The following LYPLAL1 variants were observed in gnomAD, a reference collection of about 807,000 sequenced individuals.
LYPLAL1 encodes lysophospholipase-like protein 1.
In LYPLAL1, 23 loss-of-function variants were observed where a neutral mutation model predicts 19.7. The observed-to-expected ratio is 1.17, with a 90% CI of 0.84 to 1.65. The LOEUF is 1.65. Ranked by LOEUF, LYPLAL1 falls within the 40% of genes most tolerant of loss-of-function variation. The pLI is 0.00. For missense variants in LYPLAL1, 355 were observed against 279.4 expected, an observed-to-expected ratio of 1.27 and a Z score of -1.93; for synonymous variants, 119 against 96.3, an observed-to-expected ratio of 1.24 and a Z score of -1.38.
chr1:219,277,557 A>C, the LYPLAL1 span, among the ~76,000 whole-genome samples: 2 of 152,198 alleles, frequency 1.3e-5, no homozygotes, highest in Non-Finnish European at 2.9e-5. Context: ...AGTTCCAAGC[A>C]GAACTAGGAG....
chr1:219,427,915 G>A, the LYPLAL1 span, among the ~76,000 whole-genome samples: 1 of 152,176 alleles, frequency 6.6e-6, no homozygotes, highest in Non-Finnish European at 1.5e-5. Flanking sequence ...CTTTAGGCAG[G>A]TACCAACTAT....
At chr1:219,389,749 C>T in the LYPLAL1 span, among the ~76,000 whole-genome samples, 1 of 151,974 alleles carries the variant, frequency 6.6e-6, no homozygotes, top group Non-Finnish European at 1.5e-5. Context: ...ATTAGGTTGG[C>T]GTGAAAGTAA....
chr1:219,431,745 C>T, the LYPLAL1 span, among the ~76,000 whole-genome samples: 2 of 152,226 alleles, frequency 1.3e-5, no homozygotes, highest in Non-Finnish European at 2.9e-5. Context: ...TTATTATATA[C>T]ATCCTCTGCT....
chr1:219,246,174 T>C, the LYPLAL1 span, among the ~76,000 whole-genome samples: 3 of 152,124 alleles, frequency 2.0e-5, no homozygotes, highest in Admixed American at 6.5e-5. Context: ...AGTTATCTGA[T>C]TGGCAGATGC....
At chr1:219,344,391 G>A in the LYPLAL1 span, among the ~76,000 whole-genome samples, 1 of 152,056 alleles carries the variant, frequency 6.6e-6, no homozygotes, top group Non-Finnish European at 1.5e-5. Context: ...AAACTCTTTT[G>A]TCTCTCCTGT....
the LYPLAL1 span, among the ~76,000 whole-genome samples, chr1:219,253,593 G>C: frequency 1.4e-5 from 2 of 144,576 alleles, no homozygotes; most frequent in African/African-American, 5.2e-5. Context: ...TTTTTTTAGT[G>C]ATTTTCATAG....
At chr1:219,244,568 GA>G in the LYPLAL1 span, among the ~76,000 whole-genome samples, 1 of 152,088 alleles carries the variant, frequency 6.6e-6, no homozygotes, top group Non-Finnish European at 1.5e-5. Context: ...TGGGGATTAG[GA>G]AAAATGTTCC....
chr1:219,292,137 C>A, the LYPLAL1 span, among the ~76,000 whole-genome samples: 1 of 152,204 alleles, frequency 6.6e-6, no homozygotes, highest in Non-Finnish European at 1.5e-5. Flanking sequence ...TCTCTCCCGA[C>A]ACCACCTTGT....
At chr1:219,379,475 C>T in the LYPLAL1 span, among the ~76,000 whole-genome samples, 1 of 152,168 alleles carries the variant, frequency 6.6e-6, no homozygotes, top group African/African-American at 2.4e-5. Flanking sequence ...GCAGTTAGCT[C>T]TAAAGGGGGC....
chr1:219,425,161 G>A, the LYPLAL1 span, among the ~76,000 whole-genome samples: 1 of 152,076 alleles, frequency 6.6e-6, no homozygotes, highest in African/African-American at 2.4e-5. Context: ...GTGTTCACAG[G>A]GTGCAAGGGG....
At chr1:219,199,287 GA>G (rs1191868306) in intron 3 of LYPLAL1, among the ~76,000 whole-genome samples, 1 of 152,132 alleles carries the variant, frequency 6.6e-6, no homozygotes, top group Non-Finnish European at 1.5e-5. Context: ...GTACAGACAA[GA>G]AGTATTATTC....
chr1:219,434,033 T>C, the LYPLAL1 span, among the ~76,000 whole-genome samples: 21 of 152,072 alleles, frequency 1.4e-4, no homozygotes, highest in Non-Finnish European at 5.9e-5. Flanking sequence ...TCCAGTAGAA[T>C]TTTAAAATGC....
At chr1:219,182,635 T>C (rs1656388449) in intron 2 of LYPLAL1, among the ~76,000 whole-genome samples, 1 of 152,278 alleles carries the variant, frequency 6.6e-6, no homozygotes, top group Admixed American at 6.5e-5. Flanking sequence ...GGTTTCATGC[T>C]TTAACATGTT....
chr1:219,298,210 T>A, the LYPLAL1 span, among the ~76,000 whole-genome samples: 47 of 152,240 alleles, frequency 3.1e-4, no homozygotes, highest in Middle Eastern at 3.4e-3. Flanking sequence ...CTTGAGAGGC[T>A]GAGGTGGGAG....
chr1:219,377,646 T>C, the LYPLAL1 span, among the ~76,000 whole-genome samples: 3 of 152,140 alleles, frequency 2.0e-5, no homozygotes, highest in African/African-American at 7.2e-5. Context: ...ATTTGGCTGA[T>C]TCTATATAAT....
chr1:219,193,440 T>A (rs1657362205), intron 3 of LYPLAL1, 189 bp downstream of exon 3: 1 of 349,320 alleles, frequency 2.9e-6, no homozygotes, highest in Non-Finnish European at 5.0e-6. Flanking sequence ...GAAACTTTAA[T>A]TGATTTTCTT....
chr1:219,310,024 A>T, the LYPLAL1 span, among the ~76,000 whole-genome samples: 5 of 152,188 alleles, frequency 3.3e-5, no homozygotes, highest in African/African-American at 1.2e-4. Flanking sequence ...TTAGCATTTA[A>T]AAGGTAGTGA....
At chr1:219,378,101 C>A in the LYPLAL1 span, among the ~76,000 whole-genome samples, 1 of 152,094 alleles carries the variant, frequency 6.6e-6, no homozygotes, top group East Asian at 1.9e-4. Flanking sequence ...CTGCTTCATG[C>A]AAAAAGGGTC....
the LYPLAL1 span, among the ~76,000 whole-genome samples, chr1:219,361,340 A>C: frequency 6.6e-6 from 1 of 152,166 alleles, no homozygotes; most frequent in African/African-American, 2.4e-5. Flanking sequence ...AGTGTAGTTT[A>C]TCTGTCAGAT....
Sources: allele counts gnomAD v4.1 joint callset (sites outside exome capture counted in the v4.1 genomes callset), GRCh38; gene constraint gnomAD v4.1.1; transcripts MANE v1.5; gene names NCBI Gene and HGNC (gene_info 2026-07-23, HGNC 2026-07-21).